DNAAF1: variants seen among roughly 807,000 people sequenced by gnomAD.
The protein encoded by DNAAF1 is dynein axonemal assembly factor 1.
A neutral mutation model predicts 71.1 loss-of-function variants in DNAAF1; 65 were observed. The ratio of observed to expected loss-of-function variants is 0.91; its 90% CI spans 0.75 to 1.12. DNAAF1 has a LOEUF of 1.12. Ranked by LOEUF, DNAAF1 falls within the 50% of genes most tolerant of loss-of-function variation. DNAAF1 has a pLI of 0.00. For missense variants in DNAAF1, 1,178 were observed against 899.8 expected, an observed-to-expected ratio of 1.31 and a Z score of -3.96; for synonymous variants, 414 against 354.6, an observed-to-expected ratio of 1.17 and a Z score of -1.88.
chr16:84,158,570 G>T (rs772656824), intron 5 of DNAAF1, among the ~76,000 whole-genome samples: 1 of 152,118 alleles, frequency 6.6e-6, no homozygotes, highest in Non-Finnish European at 1.5e-5. Context: ...AACGAAAGCA[G>T]GTTGCTTTAT....
intron 6 of DNAAF1, chr16:84,162,223 T>G (rs931505351): frequency 6.6e-6 from 1 of 152,184 alleles, no homozygotes; most frequent in Admixed American, 6.5e-5. Flanking sequence ...AAGGTAAGCC[T>G]CCTGTTTTTA....
rs572312186 is a variant in DNAAF1 at position 84,156,773 on chromosome 16, C to T, written c.741+1024C>T. Among the ~76,000 whole-genome samples, 6 of 152,108 alleles carry T rather than the reference C, an allele frequency of 3.9e-5. No homozygotes were observed. The South Asian group carries it at 1.2e-3, about 32-fold the overall frequency. The stretch of plus-strand genomic sequence containing the variant: ...TTCATGCAGTTCATGCAGAAAAGGC[C>T]AGGATCAATGTTTGACCCTTTTATT... On this transcript the variant is annotated intron_variant, in intron 5 of 11. Coordinates refer to ENST00000378553, the MANE Select transcript of DNAAF1 (RefSeq NM_178452.6).
intron 8 of DNAAF1, 43 bp from the exon 9 acceptor site, chr16:84,172,217 G>A (rs1225171628): frequency 1.3e-6 from 2 of 1,584,964 alleles, no homozygotes; most frequent in Middle Eastern, 1.7e-4. Context: ...CCATCTGCCT[G>A]CCGTGTGTTA....
chr16:84,148,564 C>T (rs922996429), intron 1 of DNAAF1, among the ~76,000 whole-genome samples: 1 of 137,466 alleles, frequency 7.3e-6, no homozygotes, highest in East Asian at 2.2e-4. Flanking sequence ...AAAATTGTTA[C>T]ACATTTAAAG....
chr16:84,162,709 C>G (rs566705886), intron 6 of DNAAF1, among the ~76,000 whole-genome samples: 2 of 152,008 alleles, frequency 1.3e-5, no homozygotes, highest in African/African-American at 4.8e-5. Context: ...GTCCCAGCTA[C>G]TTGGGAGGCT....
In DNAAF1 at chr16:84,166,097, A is replaced by G. The variant is rs191065240; in HGVS notation, c.1030+148A>G. The G allele has an allele frequency of 1.5e-4, 172 of 1,121,580 alleles. 2 individuals carry two copies. In the African/African-American group the frequency reaches 2.6e-3, roughly 17 times the overall value. The allele number at this position is 1,121,580 out of a possible 1,614,324, so 69.5% of individuals were successfully genotyped here. On this transcript the variant is annotated intron_variant, in intron 7 of 11. Coordinates refer to ENST00000378553, the MANE Select transcript of DNAAF1 (RefSeq NM_178452.6). The stretch of plus-strand genomic sequence containing the variant: ...GTCTTGCTCTGTCACTGAGGTTGCA[A>G]AGTTGGAGTGCAGCAGTGTGATCTT...
rs562138451 is a variant in DNAAF1, at chr16:84,157,964, C to T, written c.742-1711C>T. ...GGCTCACGCCTGTAATCCCAGCGCT[C>T]TGGGAGGCCAAGGTGGGCAGATCAC... On this transcript the variant is annotated intron_variant, in intron 5 of 11. Coordinates refer to ENST00000378553, the MANE Select transcript of DNAAF1 (RefSeq NM_178452.6). Among the ~76,000 whole-genome samples, 3 of 152,210 alleles carry T rather than the reference C, an allele frequency of 2.0e-5. No homozygotes were observed. In the South Asian group the frequency reaches 6.2e-4, roughly 32 times the overall value.
intron 11 of DNAAF1, 128 bp downstream of exon 11, chr16:84,176,427 C>T (rs1328367259): frequency 1.8e-5 from 24 of 1,359,692 alleles, no homozygotes; most frequent in Admixed American, 3.7e-5. Context: ...CCAGGACAGA[C>T]CACACAGATC....
intron 7 of DNAAF1, among the ~76,000 whole-genome samples, chr16:84,168,333 T>C (rs909507600): frequency 6.6e-6 from 1 of 152,246 alleles, no homozygotes; most frequent in African/African-American, 2.4e-5. Flanking sequence ...CCCAGGACAA[T>C]TTCCTGATCT....
At chr16:84,163,559 T>A (rs2087820397) in intron 6 of DNAAF1, among the ~76,000 whole-genome samples, 1 of 152,024 alleles carries the variant, frequency 6.6e-6, no homozygotes, top group African/African-American at 2.4e-5. Context: ...TTTTCTATTT[T>A]TAGTAGAGAC....
At position 84,169,843 on chromosome 16, in the gene DNAAF1, C is replaced by T. The variant is rs1323889834; in HGVS notation, c.1031-16C>T. ...CAGGACACTCCCACATTCACCTTTG[C>T]ATTTTCTGCCATTAGGGGAGATGAC... On this transcript the variant is annotated splice_polypyrimidine_tract_variant and intron_variant, in intron 7 of 11. Transcript: ENST00000378553. The T allele has an allele frequency of 6.2e-6, 10 of 1,613,142 alleles. No individual in the cohort carries two copies. Among genetic ancestry groups the T allele is most frequent in the Non-Finnish European group, 8.5e-6 (10 of 1,180,054 alleles).
rs775992194 is a variant in DNAAF1 at position 84,165,959 on chromosome 16, C to T, written c.1030+10C>T. On this transcript the variant is annotated intron_variant, in intron 7 of 11. Coordinates refer to ENST00000378553, the MANE Select transcript of DNAAF1 (RefSeq NM_178452.6). ...GAGAGTCAAGAGAGAGGTATGCGCTCGGCCGAAGACAACAGCCCCAGAGTT... is the reference window on the plus strand; with the variant it reads ...GAGAGTCAAGAGAGAGGTATGCGCTTGGCCGAAGACAACAGCCCCAGAGTT... 13 of 1,610,798 alleles carry T rather than the reference C, an allele frequency of 8.1e-6. No individual in the cohort carries two copies. The highest frequency in any genetic ancestry group is 4.4e-5 in the South Asian group (4 of 90,996).
At position 84,153,457 on chromosome 16, in the gene DNAAF1, T is replaced by C. The variant is rs189131088; in HGVS notation, c.353-1120T>C. Among the ~76,000 whole-genome samples the C allele has an allele frequency of 2.1e-4, 32 of 152,236 alleles. No individual in the cohort carries two copies. In the East Asian group the frequency reaches 5.4e-3, roughly 26 times the overall value. ...GGAAAAAATATAGGATTTTAAAAAG[T>C]CTATCTATACAATGCCTGTGTTTAA... On this transcript the variant is annotated intron_variant, in intron 3 of 11. Coordinates refer to ENST00000378553, the MANE Select transcript of DNAAF1 (RefSeq NM_178452.6).
In DNAAF1 at chr16:84,165,886, G is replaced by A. The variant is rs1287052284; in HGVS notation, c.967G>A (p.Ala323Thr). 1.9e-6 allele frequency: 3 copies of A among 1,613,558 alleles called. No homozygotes were observed. Among genetic ancestry groups the A allele is most frequent in the Non-Finnish European group, 8.5e-7 (1 of 1,179,932 alleles). Reference protein sequence around the residue: ...ERKKITDSIEALAMIKQRAEE... With the variant: ...ERKKITDSIETLAMIKQRAEE... Reference sequence around the variant, plus strand: ...GAAGAAGATCACAGACAGCATTGAAGCCTTGGCCATGATCAAGCAGCGGGC... The same window carrying A: ...GAAGAAGATCACAGACAGCATTGAAACCTTGGCCATGATCAAGCAGCGGGC... Residue 323 changes from alanine (A) to threonine (T), a missense_variant, in exon 7 of 12, where the codon GCC becomes ACC. By Grantham distance (58) the Ala-to-Thr change is moderately conservative. Coordinates refer to ENST00000378553, the MANE Select transcript of DNAAF1 (RefSeq NM_178452.6).
intron 9 of DNAAF1, chr16:84,174,388 C>T: frequency 7.5e-7 from 1 of 1,332,178 alleles, no homozygotes; most frequent in Non-Finnish European, 9.6e-7. Flanking sequence ...CTGGCTGTGT[C>T]TCTTAATAAA....
chr16:84,174,351 G>C, intron 9 of DNAAF1: 1 of 1,270,790 alleles, frequency 7.9e-7, no homozygotes. Flanking sequence ...CATTTGGTTT[G>C]GGTCCCATTA....
At chr16:84,164,718 T>C (rs1280933623) in intron 6 of DNAAF1, among the ~76,000 whole-genome samples, 1 of 152,254 alleles carries the variant, frequency 6.6e-6, no homozygotes, top group Non-Finnish European at 1.5e-5. Context: ...ATAAAACTGC[T>C]GTAAACGTCC....
At chr16:84,147,488 G>A (rs2086967823) in intron 1 of DNAAF1, among the ~76,000 whole-genome samples, 1 of 151,688 alleles carries the variant, frequency 6.6e-6, no homozygotes, top group African/African-American at 2.4e-5. Context: ...CACTATTTTT[G>A]TTTCTTTTCA....
At chr16:84,174,412 G>T (rs1290175775) in intron 9 of DNAAF1, 4 of 1,380,000 alleles carry the variant, frequency 2.9e-6, no homozygotes, top group Non-Finnish European at 3.7e-6. Flanking sequence ...GCAGAAAAAA[G>T]ATGTGGAAAT....
Sources: gnomAD v4.1 joint callset for allele counts (sites outside exome capture counted in the v4.1 genomes callset) on GRCh38, gnomAD v4.1.1 for gene constraint, MANE v1.5 for transcripts, NCBI Gene and HGNC (gene_info 2026-07-23, HGNC 2026-07-21) for gene names.